The following AKT1 variants were observed in gnomAD, a reference collection of about 807,000 sequenced individuals.
AKT1 encodes AKT serine/threonine kinase 1, also known as RAC-alpha serine/threonine-protein kinase.
Under a neutral mutation model 63.1 loss-of-function variants are expected in AKT1, and 21 were observed. The observed-to-expected ratio is 0.33, with a 90% CI of 0.24 to 0.48. The LOEUF (loss-of-function observed/expected upper bound fraction) is 0.48. Ranked by LOEUF, AKT1 falls within the 20% of genes least tolerant of loss-of-function variation. The probability of loss-of-function intolerance (pLI) is 0.99; values close to 1 mark genes in which losing one functional copy is unlikely to be tolerated. For missense variants in AKT1, 382 were observed against 666.0 expected (o/e 0.57, Z 4.69); for synonymous variants, 257 against 253.1 (o/e 1.02, Z -0.15).
chr14:104,779,135 G>C (rs1892888254), intron 4 of AKT1, among the ~76,000 whole-genome samples: 1 of 152,216 alleles, frequency 6.6e-6, no homozygotes, highest in South Asian at 2.1e-4. Flanking sequence ...TCCATGCCAG[G>C]GTTCCCGTCT....
chr14:104,781,614 C>T (rs763668101), intron 3 of AKT1, among the ~76,000 whole-genome samples: 24 of 152,208 alleles, frequency 1.6e-4, no homozygotes, highest in Non-Finnish European at 2.8e-4. Context: ...CCTACCCCGG[C>T]CCCAGCTGCC....
intron 3 of AKT1, among the ~76,000 whole-genome samples, chr14:104,781,556 C>T (rs1031289570): frequency 6.6e-6 from 1 of 151,690 alleles, no homozygotes; most frequent in Non-Finnish European, 1.5e-5. Context: ...AGAGGTGAGC[C>T]ACCAAGGCTC....
intron 3 of AKT1, among the ~76,000 whole-genome samples, chr14:104,784,565 AC>A (rs781168469): frequency 3.3e-5 from 5 of 152,032 alleles, no homozygotes; most frequent in African/African-American, 1.2e-4. Context: ...GGGCTGGAGC[AC>A]CCCCAGGGAA....
chr14:104,775,430 C>A, intron 6 of AKT1: 3 of 1,090,930 alleles, frequency 2.7e-6, no homozygotes, highest in Non-Finnish European at 3.8e-6. Flanking sequence ...GGTGGGGTAA[C>A]ATTGCCCAAG....
At chr14:104,770,943 C>T in intron 13 of AKT1, 96 bp from the exon 14 acceptor site, 1 of 1,091,850 alleles carries the variant, frequency 9.2e-7, no homozygotes, top group Non-Finnish European at 1.4e-6. Context: ...CCTGGATCTC[C>T]AAGGGGTCTC....
rs781339141 is a variant in AKT1 at position 104,780,157 on chromosome 14, T to C, written c.106A>G (p.Ile36Val). Residue 36 changes from isoleucine to valine, a missense_variant, in exon 4 of 15, where the codon ATT becomes GTT. By Grantham distance (29) the Ile-to-Val change is conservative (BLOSUM62 3). Transcript: ENST00000649815. ...TCCTGCGGCCGCTCCTTGTAGCCAA[T>C]GAAGGTGCCATCATTCTTGAGGAGG... ...YFLLKNDGTFIGYKERPQDVD... is the reference protein window; with the variant it reads ...YFLLKNDGTFVGYKERPQDVD... 1.2e-6 allele frequency: 2 copies of C among 1,613,620 alleles called. No homozygotes were observed. Among genetic ancestry groups the C allele is most frequent in the Non-Finnish European group, 1.7e-6 (2 of 1,179,954 alleles).
chr14:104,786,584 G>A (rs1893344403), intron 3 of AKT1, among the ~76,000 whole-genome samples: 1 of 152,186 alleles, frequency 6.6e-6, no homozygotes, highest in Non-Finnish European at 1.5e-5. Flanking sequence ...CTGGAACCAG[G>A]CAGTAGGGAC....
At chr14:104,775,923 TGAG>T (rs1432245746) in intron 5 of AKT1, 124 bp from the exon 6 acceptor site, 4 of 1,215,402 alleles carry the variant, frequency 3.3e-6, no homozygotes, top group Non-Finnish European at 4.5e-6. Context: ...GAGACAGCCC[TGAG>T]GAGGCCACCA....
rs375379805 is a variant in AKT1 at position 104,789,053 on chromosome 14, G to A, written c.46+3545C>T. ...CCCCAGGCAGCTTCCCTCGACCCCC[G>A]CCCACTCGGCCTTGGCCTGCTGGGT... is the stretch of plus-strand genomic sequence containing the variant. On this transcript the variant is annotated intron_variant, in intron 3 of 14. Coordinates refer to ENST00000649815, the MANE Select transcript of AKT1 (RefSeq NM_001382430.1). 9.3e-4 allele frequency among the ~76,000 whole-genome samples: 142 copies of A among 152,316 alleles called. 5 individuals carry two copies. In the South Asian group the frequency reaches 0.028, roughly 30 times the overall value.
intron 3 of AKT1, among the ~76,000 whole-genome samples, chr14:104,789,260 G>A (rs1220284817): frequency 1.3e-5 from 2 of 152,200 alleles, no homozygotes; most frequent in South Asian, 2.1e-4. Context: ...CACCCGCCTC[G>A]GCCCTCTCCT....
chr14:104,783,463 C>T (rs1893173015), intron 3 of AKT1, among the ~76,000 whole-genome samples: 1 of 152,034 alleles, frequency 6.6e-6, no homozygotes, highest in African/African-American at 2.4e-5. Flanking sequence ...GAGGGGCCTT[C>T]CATCTCCCCA....
Position 104,780,079 on chromosome 14 carries a change from G to C in AKT1, c.175+9C>G, listed in dbSNP as rs2140948423. The C allele has an allele frequency of 6.2e-7, 1 of 1,613,126 alleles. No individual in the cohort carries two copies. The highest frequency in any genetic ancestry group is 8.5e-7 in the Non-Finnish European group (1 of 1,179,670). On this transcript the variant is annotated intron_variant, in intron 4 of 14. Transcript: ENST00000649815. ...AATCTGAATCCCGAGAGGCCAAGGG[G>C]ATACTTACGCGCCACAGAGAAGTTG...
Position 104,772,379 on chromosome 14 carries a change from C to A in AKT1, c.1246G>T (p.Val416Leu). ...AGCAGCCGCACCTTCTTCTCGTACACGTGCTGCCACACGATACCGGCAAAG... is the reference window on the plus strand; with the variant it reads ...AGCAGCCGCACCTTCTTCTCGTACAAGTGCTGCCACACGATACCGGCAAAG... ...RFFAGIVWQH[V>L]YEKKLSPPFK... The change falls in exon 13 of 15, where the codon GTG becomes TTG. Residue 416 changes from valine (V) to leucine (L), a missense_variant. By Grantham distance (32) the Val-to-Leu change is conservative (BLOSUM62 1). Transcript: ENST00000649815. The A allele has an allele frequency of 1.2e-6, 2 of 1,613,898 alleles. No homozygotes were observed. Among genetic ancestry groups the A allele is most frequent in the South Asian group, 1.1e-5 (1 of 91,088 alleles).
At chr14:104,773,137 C>G (rs760620929) in intron 11 of AKT1, 45 bp from the exon 12 acceptor site, 5 of 1,611,388 alleles carry the variant, frequency 3.1e-6, no homozygotes, top group Non-Finnish European at 4.2e-6. Context: ...AAGGGGTGTC[C>G]GGGACACTGC....
intron 4 of AKT1, chr14:104,777,502 C>G: frequency 1.0e-6 from 1 of 998,636 alleles, no homozygotes; most frequent in Non-Finnish European, 1.2e-6. Context: ...CACACGAACA[C>G]CTGGGGCACA....
In AKT1 at chr14:104,774,985, G is replaced by C; in HGVS notation, c.586C>G (p.Leu196Val). 1 of 1,613,196 alleles carries C rather than the reference G, an allele frequency of 6.2e-7. No homozygotes were observed. Residue 196 changes from leucine to valine, a missense_variant, in exon 8 of 15, where the codon CTC (leucine) becomes GTC (valine). Coordinates refer to ENST00000649815, the MANE Select transcript of AKT1 (RefSeq NM_001382430.1). ...TTCTGCAGGACGCGGTTCTCGGTGA[G>C]TGTGTGGGCCACCTCGTCCTGTAAA... ...IVAKDEVAHT[L>V]TENRVLQNSR...
At position 104,773,244 on chromosome 14, in the gene AKT1, C is replaced by T. The variant is rs771514399; in HGVS notation, c.957+7G>A. 1.4e-5 allele frequency: 23 copies of T among 1,613,980 alleles called. No homozygotes were observed. Among genetic ancestry groups the T allele is most frequent in the South Asian group, 4.4e-5 (4 of 91,086 alleles). Reference sequence around the variant, plus strand: ...GCAACGCGTATGCACGCAGGTGGGGCGCACACCTCGGGGGCCAGGTACTCA... The same window carrying T: ...GCAACGCGTATGCACGCAGGTGGGGTGCACACCTCGGGGGCCAGGTACTCA... On this transcript the variant is annotated splice_region_variant and intron_variant, in intron 11 of 14. Coordinates refer to ENST00000649815, the MANE Select transcript of AKT1 (RefSeq NM_001382430.1).
intron 4 of AKT1, 22 bp from the exon 5 acceptor site, chr14:104,776,792 G>C (rs1372270622): frequency 1.2e-6 from 2 of 1,604,102 alleles, no homozygotes; most frequent in Admixed American, 1.7e-5. Flanking sequence ...CAGAGCCTCT[G>C]TCTGCGTGCA....
rs749544983 is a variant in AKT1, at chr14:104,772,409, G to A, written c.1216C>T (p.Arg406Cys). The A allele has an allele frequency of 1.2e-6, 2 of 1,613,778 alleles. No homozygotes were observed. The highest frequency in any genetic ancestry group is 1.7e-6 in the Non-Finnish European group (2 of 1,180,034). ...SEDAKEIMQH[R>C]FFAGIVWQHV... ...TGCCACACGATACCGGCAAAGAAGCGATGCTGCATGATCTCCTTGGCGTCC... is the reference window on the plus strand; with the variant it reads ...TGCCACACGATACCGGCAAAGAAGCAATGCTGCATGATCTCCTTGGCGTCC... Residue 406 changes from arginine (R) to cysteine (C), a missense_variant, in exon 13 of 15, where the codon CGC becomes TGC. Coordinates refer to ENST00000649815, the MANE Select transcript of AKT1 (RefSeq NM_001382430.1).
Sources: allele counts gnomAD v4.1 joint callset (sites outside exome capture counted in the v4.1 genomes callset), GRCh38; gene constraint gnomAD v4.1.1; transcripts MANE v1.5; gene names NCBI Gene and HGNC (gene_info 2026-07-23, HGNC 2026-07-21).